The following NECAB2 variants were observed in gnomAD, a reference collection of about 807,000 sequenced individuals.
NECAB2 encodes N-terminal EF-hand calcium binding protein 2.
Under a neutral mutation model 51.9 loss-of-function variants are expected in NECAB2, and 68 were observed. That is an observed-to-expected ratio of 1.31 (90% CI 1.08 to 1.60). The LOEUF is 1.60. Ranked by LOEUF, NECAB2 falls within the 40% of genes most tolerant of loss-of-function variation. The probability of loss-of-function intolerance (pLI) is 0.00; values close to 1 mark genes in which losing one functional copy is unlikely to be tolerated. For missense variants in NECAB2, 854 were observed against 490.3 expected (o/e 1.74, Z -7.00); for synonymous variants, 329 against 203.5 (o/e 1.62, Z -5.25).
At chr16:83,972,210 T>G in intron 2 of NECAB2, 35 bp downstream of exon 2, 1 of 1,613,198 alleles carries the variant, frequency 6.2e-7, no homozygotes, top group South Asian at 1.1e-5. Context: ...GCCGCCCCAC[T>G]CCTTCTGTCC....
intron 3 of NECAB2, among the ~76,000 whole-genome samples, chr16:83,979,071 C>G (rs1162093204): frequency 3.3e-5 from 5 of 152,210 alleles, no homozygotes; most frequent in Admixed American, 2.6e-4. Flanking sequence ...TCAGAATCAG[C>G]CAAAAACTCT....
chr16:84,001,793 A>ACCCCTGACTCACACATGTC (rs2084841617), intron 11 of NECAB2, 32 bp from the exon 12 acceptor site: 4 of 1,611,420 alleles, frequency 2.5e-6, no homozygotes, highest in Non-Finnish European at 2.5e-6. Flanking sequence ...CACTCCTGCC[A>ACCCCTGACTCACACATGTC]CCCCTGACTC....
chr16:83,978,944 G>A (rs56380039), intron 3 of NECAB2, among the ~76,000 whole-genome samples: 8 of 151,978 alleles, frequency 5.3e-5, no homozygotes, highest in Admixed American at 2.6e-4. Flanking sequence ...GAGGTTGAAC[G>A]TCATCCTAAC....
chr16:83,975,041 T>A (rs1483730658), intron 2 of NECAB2, among the ~76,000 whole-genome samples: 1 of 122,250 alleles, frequency 8.2e-6, no homozygotes, highest in African/African-American at 3.1e-5. Context: ...CAGGGAGGTG[T>A]GCAGGGATGA....
intron 6 of NECAB2, among the ~76,000 whole-genome samples, 161 bp downstream of exon 6, chr16:83,990,791 G>A (rs967991432): frequency 7.2e-5 from 11 of 152,058 alleles, no homozygotes; most frequent in African/African-American, 2.2e-4. Context: ...TGTAATATAG[G>A]CACAATTATA....
intron 3 of NECAB2, 87 bp from the exon 4 acceptor site, chr16:83,980,752 G>T: frequency 6.7e-7 from 1 of 1,488,396 alleles, no homozygotes. Flanking sequence ...AGAGCAGGCA[G>T]GATGTGTGTT....
intron 5 of NECAB2, among the ~76,000 whole-genome samples, chr16:83,985,084 G>T (rs1474790872): frequency 6.7e-6 from 1 of 149,686 alleles, no homozygotes; most frequent in East Asian, 2.0e-4. Context: ...AGGCCGGGGC[G>T]GGCAGATCAC....
At chr16:83,991,418 G>C (rs8048510) in intron 6 of NECAB2, among the ~76,000 whole-genome samples, 9,457 of 139,994 alleles carry the variant, frequency 0.068, 1,094 homozygotes, top group African/African-American at 0.26. Context: ...CCAGGCTGGA[G>C]TGCAGTGGCG....
rs16962491 is a variant in NECAB2, at chr16:84,000,908, C to G, written c.1040+107C>G. 0.12 allele frequency: 131,854 copies of G among 1,112,198 alleles called. 18,164 individuals carry two copies. The highest frequency in any genetic ancestry group is 0.65 in the African/African-American group (42,490 of 65,394). 68.9% of individuals were successfully genotyped at this position (1,112,198 alleles called of 1,614,324 possible). On this transcript the variant is annotated intron_variant, in intron 11 of 12. Transcript: ENST00000305202. ...AGGGGAGGGTAAGGCCGAGTCCAGT[C>G]AGCAGATTCCCGAGGCATCTACCCG... is the stretch of plus-strand genomic sequence containing the variant.
chr16:83,995,378 C>A (rs965894646), intron 8 of NECAB2, among the ~76,000 whole-genome samples: 1 of 149,402 alleles, frequency 6.7e-6, no homozygotes, highest in Non-Finnish European at 1.5e-5. Context: ...TTAGATTCCT[C>A]CTCTGATAAT....
At chr16:83,999,722 G>C (rs1265879532) in intron 10 of NECAB2, among the ~76,000 whole-genome samples, 1 of 152,070 alleles carries the variant, frequency 6.6e-6, no homozygotes, top group Non-Finnish European at 1.5e-5. Context: ...GAGCAATGGG[G>C]GACTTGCCTG....
intron 10 of NECAB2, among the ~76,000 whole-genome samples, chr16:83,999,693 CGGGCCCCT>C (rs1433541128): frequency 6.6e-6 from 1 of 151,966 alleles, no homozygotes; most frequent in Non-Finnish European, 1.5e-5. Flanking sequence ...GACGTGAGTG[CGGGCCCCT>C]GGGTCCCATA....
chr16:83,982,895 G>C (rs1428332171), intron 5 of NECAB2, among the ~76,000 whole-genome samples: 1 of 148,364 alleles, frequency 6.7e-6, no homozygotes, highest in African/African-American at 2.6e-5. Context: ...TTTTGAGACA[G>C]AGTCTCACTC....
Position 83,981,124 on chromosome 16 carries a change from G to A in NECAB2, c.456G>A (p.Lys152=). The A allele has an allele frequency of 6.2e-7, 1 of 1,612,738 alleles. No individual in the cohort carries two copies. Among genetic ancestry groups the A allele is most frequent in the Non-Finnish European group, 8.5e-7 (1 of 1,179,680 alleles). ...HSVLKAMGYT[K]KVYEGGSNVD... Reference sequence around the variant, plus strand: ...TCCTGAAGGCCATGGGTTATACCAAGAAGGTCAGTGGGTGTAGGTGGCCCC... The same window carrying A: ...TCCTGAAGGCCATGGGTTATACCAAAAAGGTCAGTGGGTGTAGGTGGCCCC... Residue 152 remains lysine, a synonymous_variant, in exon 5 of 13, where the codon AAG becomes AAA. Transcript: ENST00000305202.
intron 2 of NECAB2, among the ~76,000 whole-genome samples, chr16:83,975,227 GAGGTGTTGGTGCGGGA>G (rs2084395333): frequency 6.8e-6 from 1 of 147,768 alleles, no homozygotes; most frequent in African/African-American, 2.6e-5. Flanking sequence ...GGTGTGCAGG[GAGGTGTTGGTGCGGGA>G]ATGTGAACCG....
rs74032339 is a variant in NECAB2 at position 83,970,277 on chromosome 16, C to G, written c.201+1428C>G. On this transcript the variant is annotated intron_variant, in intron 1 of 12. Transcript: ENST00000305202. ...TTACCAGGTGTCAGCCCTGCCATGT[C>G]ACTCATGTGTTCAGCATTCCTGCCC... 3.6e-3 allele frequency among the ~76,000 whole-genome samples: 541 copies of G among 152,274 alleles called. 4 individuals are homozygous for G. Among genetic ancestry groups the G allele is most frequent in the African/African-American group, 0.012 (507 of 41,562 alleles).
intron 2 of NECAB2, 52 bp downstream of exon 2, chr16:83,972,227 T>G: frequency 6.2e-7 from 1 of 1,610,986 alleles, no homozygotes; most frequent in Non-Finnish European, 8.5e-7. Context: ...GTCCTCGTGC[T>G]TCATGGGGAA....
chr16:83,987,037 A>C (rs898375952), intron 5 of NECAB2, among the ~76,000 whole-genome samples: 1 of 152,220 alleles, frequency 6.6e-6, no homozygotes, highest in Non-Finnish European at 1.5e-5. Flanking sequence ...AAATAAAAAT[A>C]ATAAAACATA....
chr16:83,982,771 T>A (rs2084505201), intron 5 of NECAB2, among the ~76,000 whole-genome samples: 1 of 152,210 alleles, frequency 6.6e-6, no homozygotes, highest in Admixed American at 6.5e-5. Flanking sequence ...GCGTATGATG[T>A]CAGGGGTGGT....
Sources: allele counts gnomAD v4.1 joint callset (sites outside exome capture counted in the v4.1 genomes callset), GRCh38; gene constraint gnomAD v4.1.1; transcripts MANE v1.5; gene names NCBI Gene and HGNC (gene_info 2026-07-23, HGNC 2026-07-21).